Variants in SCFD2 observed in about 807,000 individuals in gnomAD.
SCFD2 encodes sec1 family domain containing 2, also known as sec1 family domain-containing protein 2.
A neutral mutation model predicts 58.9 loss-of-function variants in SCFD2; 54 were observed. The ratio of observed to expected loss-of-function variants is 0.92; its 90% confidence interval spans 0.74 to 1.15. The LOEUF (loss-of-function observed/expected upper bound fraction) is 1.15, where lower values mean the gene tolerates loss of function less well. SCFD2 is among the 50% of genes most tolerant of loss of function. SCFD2 has a pLI of 0.00. For missense variants in SCFD2, 805 were observed against 836.6 expected, an observed-to-expected ratio of 0.96 and a Z score of 0.47; for synonymous variants, 321 against 335.9, an observed-to-expected ratio of 0.96 and a Z score of 0.49.
At chr4:53,169,423 C>G (rs1391625290) in intron 4 of SCFD2, among the ~76,000 whole-genome samples, 2 of 151,938 alleles carry the variant, frequency 1.3e-5, no homozygotes, top group Non-Finnish European at 2.9e-5. Flanking sequence ...TACATATATA[C>G]CATGTTTTCT....
At chr4:53,188,962 A>T (rs549585818) in intron 4 of SCFD2, among the ~76,000 whole-genome samples, 2 of 152,234 alleles carry the variant, frequency 1.3e-5, no homozygotes, top group East Asian at 3.9e-4. Flanking sequence ...GATCACCTCC[A>T]TTTCCAAACT....
At chr4:53,085,048 T>C (rs1724265142) in intron 5 of SCFD2, among the ~76,000 whole-genome samples, 2 of 152,082 alleles carry the variant, frequency 1.3e-5, no homozygotes, top group African/African-American at 4.8e-5. Context: ...GCAACCAGAC[T>C]AGAGAAAGAA....
At chr4:53,064,211 T>C (rs1321173327) in intron 5 of SCFD2, among the ~76,000 whole-genome samples, 1 of 152,096 alleles carries the variant, frequency 6.6e-6, no homozygotes, top group African/African-American at 2.4e-5. Context: ...GGGGTACAAG[T>C]GATCCCCTCA....
At chr4:53,348,672 CTTT>C (rs1364628406) in intron 2 of SCFD2, among the ~76,000 whole-genome samples, 4 of 151,644 alleles carry the variant, frequency 2.6e-5, no homozygotes, top group Non-Finnish European at 5.9e-5. Context: ...AAGCTTTCTT[CTTT>C]ATTTATATCC....
intron 2 of SCFD2, among the ~76,000 whole-genome samples, chr4:53,341,658 G>C (rs1397425585): frequency 6.6e-6 from 1 of 152,140 alleles, no homozygotes; most frequent in East Asian, 1.9e-4. Flanking sequence ...ATAATTGTCA[G>C]ATTCACCAAA....
intron 2 of SCFD2, among the ~76,000 whole-genome samples, chr4:53,317,343 CAA>C (rs1432552228): frequency 1.3e-5 from 2 of 152,102 alleles, no homozygotes; most frequent in African/African-American, 4.8e-5. Context: ...ACTTCTTCAC[CAA>C]GTCACTCTAT....
chr4:52,880,698 C>T (rs900274681), intron 8 of SCFD2, among the ~76,000 whole-genome samples: 24 of 152,226 alleles, frequency 1.6e-4, no homozygotes, highest in African/African-American at 5.3e-4. Context: ...AGTGTGGGTG[C>T]GGCAAGCACG....
At chr4:53,279,230 C>A (rs1731433177) in intron 3 of SCFD2, among the ~76,000 whole-genome samples, 1 of 152,156 alleles carries the variant, frequency 6.6e-6, no homozygotes. Context: ...ATTAAGACTG[C>A]ATAAATATAT....
intron 5 of SCFD2, among the ~76,000 whole-genome samples, chr4:52,996,918 GTCT>G (rs1721753220): frequency 6.6e-6 from 1 of 152,332 alleles, no homozygotes; most frequent in African/African-American, 2.4e-5. Context: ...GCAAAATCAA[GTCT>G]TCTTTCAAAA....
In SCFD2 at chr4:53,001,546, T is replaced by C. The variant is rs149568312; in HGVS notation, c.1562-80676A>G. On this transcript the variant is annotated intron_variant, in intron 5 of 8. Transcript: ENST00000401642. The stretch of plus-strand genomic sequence containing the variant: ...TGCATGGCGACAATGCTTAGCTTTA[T>C]TAATAAACTAAAACAAACTAGTTTT... Among the ~76,000 whole-genome samples the C allele has an allele frequency of 3.5e-3, 528 of 152,366 alleles. 2 individuals are homozygous for C. Among genetic ancestry groups the C allele is most frequent in the African/African-American group, 0.012 (502 of 41,578 alleles).
intron 4 of SCFD2, among the ~76,000 whole-genome samples, chr4:53,238,504 C>A (rs1233056657): frequency 1.3e-5 from 2 of 151,600 alleles, no homozygotes; most frequent in Non-Finnish European, 2.9e-5. Flanking sequence ...GGGGGCTGAC[C>A]CCCCCACCTC....
intron 3 of SCFD2, among the ~76,000 whole-genome samples, chr4:53,302,333 A>G (rs62324295): frequency 0.034 from 5,218 of 152,344 alleles, 122 homozygotes; most frequent in Non-Finnish European, 0.053. Flanking sequence ...CCAAATCATC[A>G]GTGAATTCCC....
At chr4:53,350,947 T>TGATC (rs1394648632) in intron 2 of SCFD2, among the ~76,000 whole-genome samples, 1 of 152,146 alleles carries the variant, frequency 6.6e-6, no homozygotes, top group Non-Finnish European at 1.5e-5. Flanking sequence ...TGACCTCAGG[T>TGATC]GATCCACCAG....
At chr4:53,354,623 C>T (rs1188117981) in intron 1 of SCFD2, among the ~76,000 whole-genome samples, 2 of 152,176 alleles carry the variant, frequency 1.3e-5, no homozygotes, top group African/African-American at 4.8e-5. Flanking sequence ...AACACTTTGT[C>T]ACCTCTCACT....
intron 4 of SCFD2, among the ~76,000 whole-genome samples, chr4:53,166,495 A>T (rs1278760894): frequency 6.6e-6 from 1 of 152,154 alleles, no homozygotes; most frequent in Non-Finnish European, 1.5e-5. Context: ...CCTTATAAGG[A>T]GGTACATAGA....
At chr4:53,296,982 A>G (rs1246067642) in intron 3 of SCFD2, among the ~76,000 whole-genome samples, 1 of 152,032 alleles carries the variant, frequency 6.6e-6, no homozygotes, top group African/African-American at 2.4e-5. Flanking sequence ...TTCTAATTTG[A>G]TCGTACTGTG....
chr4:53,256,383 C>T (rs140977293), intron 4 of SCFD2, among the ~76,000 whole-genome samples: 4,294 of 151,760 alleles, frequency 0.028, 201 homozygotes, highest in African/African-American at 0.098. Flanking sequence ...CGGGCAGAGA[C>T]GCTCCCCACT....
intron 4 of SCFD2, among the ~76,000 whole-genome samples, chr4:53,204,255 A>G (rs1383610809): frequency 6.6e-6 from 1 of 152,082 alleles, no homozygotes; most frequent in East Asian, 1.9e-4. Flanking sequence ...TCTAACATGG[A>G]ATATGGAAGA....
In SCFD2 at chr4:52,917,992, G is replaced by T. The variant is rs191592248; in HGVS notation, c.1707+2733C>A. Among the ~76,000 whole-genome samples, 204 of 152,258 alleles carry T rather than the reference G, an allele frequency of 1.3e-3. 1 individual carries two copies. In the Middle Eastern group the frequency reaches 0.014, roughly 10 times the overall value. ...TGGGAGGGAAGGTGGGGCCAGTGGG[G>T]GCCCAAGGCCTAGATCCTAATATGC... On this transcript the variant is annotated intron_variant, in intron 6 of 8. Coordinates refer to ENST00000401642, the MANE Select transcript of SCFD2 (RefSeq NM_152540.4).
Sources: gnomAD v4.1 joint callset for allele counts (sites outside exome capture counted in the v4.1 genomes callset) on GRCh38, gnomAD v4.1.1 for gene constraint, MANE v1.5 for transcripts, NCBI Gene and HGNC (gene_info 2026-07-23, HGNC 2026-07-21) for gene names.